RAPGEF6: variants seen among roughly 807,000 people sequenced by gnomAD.
RAPGEF6 encodes PDZ domain containing guanine nucleotide exchange factor (GEF) 2.
RAPGEF6 carries 56 observed loss-of-function variants against 171.4 expected under a neutral mutation model. That is an observed-to-expected ratio of 0.33 (90% CI 0.26 to 0.41). The LOEUF is 0.41. Among genes scored for constraint, RAPGEF6 ranks in the 10% least tolerant of loss-of-function variants. RAPGEF6 has a pLI of 1.00. For synonymous variants in RAPGEF6, 692 were observed against 650.1 expected (o/e 1.06, Z -0.98); for missense variants, 1,674 against 1,921.4 (o/e 0.87, Z 2.41).
intron 15 of RAPGEF6, among the ~76,000 whole-genome samples, chr5:131,480,168 G>C (rs975386014): frequency 1.5e-4 from 23 of 152,306 alleles, no homozygotes; most frequent in Admixed American, 7.2e-4. Context: ...ACACCAGTTT[G>C]AACTATGTGG....
intron 24 of RAPGEF6, among the ~76,000 whole-genome samples, chr5:131,439,161 C>A (rs1752218803): frequency 6.6e-6 from 1 of 152,170 alleles, no homozygotes. Flanking sequence ...AAGTGATCCA[C>A]CCGCCTCAGC....
Position 131,430,849 on chromosome 5 carries a change from C to T in RAPGEF6, c.4465+10G>A, listed in dbSNP as rs73786670. ...CTCTAAATGCCACAGACAACAAAAA[C>T]ACAACTTACCAATCAAGCCCTTTTC... On this transcript the variant is annotated intron_variant, in intron 26 of 27. Transcript: ENST00000509018. The T allele has an allele frequency of 1.3e-6, 2 of 1,586,998 alleles. No individual in the cohort carries two copies. The highest frequency in any genetic ancestry group is 1.7e-6 in the Non-Finnish European group (2 of 1,169,282).
chr5:131,499,478 G>A (rs909585579), intron 11 of RAPGEF6, among the ~76,000 whole-genome samples: 1 of 151,622 alleles, frequency 6.6e-6, no homozygotes, highest in Non-Finnish European at 1.5e-5. Context: ...CTACTCAGGA[G>A]GGTGAGGCAG....
At chr5:131,531,875 C>T (rs1162862610) in intron 6 of RAPGEF6, among the ~76,000 whole-genome samples, 1 of 151,972 alleles carries the variant, frequency 6.6e-6, no homozygotes, top group Non-Finnish European at 1.5e-5. Flanking sequence ...ATCTCAAATG[C>T]ACTGCATTTT....
chr5:131,427,359 T>C (rs1037699137), intron 27 of RAPGEF6, 68 bp from the exon 28 acceptor site: 42 of 1,335,544 alleles, frequency 3.1e-5, no homozygotes, highest in Middle Eastern at 2.5e-4. Context: ...AATCTAGTTA[T>C]CTATTTAGAA....
Position 131,479,521 on chromosome 5 carries a change from C to A in RAPGEF6, c.2073G>T (p.Lys691Asn). The A allele has an allele frequency of 1.9e-6, 3 of 1,613,906 alleles. No homozygotes were observed. Among genetic ancestry groups the A allele is most frequent in the Non-Finnish European group, 2.5e-6 (3 of 1,179,918 alleles). The stretch of plus-strand genomic sequence containing the variant: ...AGATCGGCATTACCTACCTAAATAG[C>A]TTTGGAGGCAAGATACTAAATCGTG... ...DKTRFSILPP[K>N]LFSDGGLSQS... Residue 691 changes from lysine (K) to asparagine (N), a missense_variant, in exon 16 of 28, where the codon AAG becomes AAT. Physicochemically the swap from Lys to Asn is moderately conservative, Grantham distance 94. This residue lies in a region of RAPGEF6 where 1,116 missense variants were observed against 1,321.5 expected (regional missense o/e 0.84). Coordinates refer to ENST00000509018, the MANE Select transcript of RAPGEF6 (RefSeq NM_016340.6).
chr5:131,479,992 G>A (rs189863953), intron 15 of RAPGEF6, among the ~76,000 whole-genome samples: 1 of 152,002 alleles, frequency 6.6e-6, no homozygotes, highest in Non-Finnish European at 1.5e-5. Flanking sequence ...GAAAGTCAGT[G>A]GGGGGAAAGG....
At chr5:131,428,813 T>C (rs1280369123) in intron 27 of RAPGEF6, 89 bp downstream of exon 27, 12 of 1,332,182 alleles carry the variant, frequency 9.0e-6, no homozygotes, top group Non-Finnish European at 1.1e-5. Context: ...AAAGAAACAA[T>C]TACTAATTAC....
chr5:131,623,696 G>A lies in RAPGEF6; in HGVS notation c.69+11266C>T, dbSNP rs563655573. 3.3e-5 allele frequency among the ~76,000 whole-genome samples: 5 copies of A among 151,936 alleles called. No homozygotes were observed. In the South Asian group the frequency reaches 1.0e-3, roughly 32 times the overall value. ...GAGGAGGTTTCTCCATGTCGGTCAGGCTGGTTTCGAACTCCTGACCTCAGG... is the reference window on the plus strand; with the variant it reads ...GAGGAGGTTTCTCCATGTCGGTCAGACTGGTTTCGAACTCCTGACCTCAGG... On this transcript the variant is annotated intron_variant, in intron 1 of 27. Coordinates refer to ENST00000509018, the MANE Select transcript of RAPGEF6 (RefSeq NM_016340.6).
intron 6 of RAPGEF6, among the ~76,000 whole-genome samples, chr5:131,526,252 T>C (rs1056919680): frequency 2.6e-5 from 4 of 152,230 alleles, no homozygotes; most frequent in African/African-American, 9.6e-5. Context: ...ATAATGATGC[T>C]GACTGCAATG....
chr5:131,622,028 T>C (rs888159459), intron 1 of RAPGEF6, among the ~76,000 whole-genome samples: 2 of 152,196 alleles, frequency 1.3e-5, no homozygotes, highest in Non-Finnish European at 2.9e-5. Flanking sequence ...CCCTGGCACA[T>C]GAAACAGTGC....
chr5:131,584,528 C>A (rs900870252), intron 4 of RAPGEF6, among the ~76,000 whole-genome samples: 2 of 152,194 alleles, frequency 1.3e-5, no homozygotes, highest in Non-Finnish European at 2.9e-5. Flanking sequence ...GGATGAGGAG[C>A]TGAATTCTGC....
rs1751430509 is a variant in RAPGEF6 at position 131,427,189 on chromosome 5, T to C, written c.*77A>G. 2 of 1,365,938 alleles carry C rather than the reference T, an allele frequency of 1.5e-6. No homozygotes were observed. Among genetic ancestry groups the C allele is most frequent in the Non-Finnish European group, 2.1e-6 (2 of 954,396 alleles). The allele number at this position is 1,365,938 out of a possible 1,614,324, so 84.6% of individuals were successfully genotyped here. On this transcript the variant is annotated 3_prime_UTR_variant, in exon 28 of 28. Coordinates refer to ENST00000509018, the MANE Select transcript of RAPGEF6 (RefSeq NM_016340.6). The stretch of plus-strand genomic sequence containing the variant: ...GTAGCAATGAGCTGTTCGTTAGCAA[T>C]GGCCTGCAGAATCATGAGGTGGTTC...
intron 20 of RAPGEF6, among the ~76,000 whole-genome samples, chr5:131,455,139 A>T (rs1753388594): frequency 6.6e-6 from 1 of 152,276 alleles, no homozygotes; most frequent in Non-Finnish European, 1.5e-5. Flanking sequence ...AATAAAAAAT[A>T]GTAGTAACAA....
chr5:131,524,609 T>TGAGAGAGAGA (rs55956395), intron 6 of RAPGEF6, among the ~76,000 whole-genome samples: 1,858 of 134,934 alleles, frequency 0.014, 56 homozygotes, highest in African/African-American at 0.05. Context: ...AGAGAGAGAT[T>TGAGAGAGAGA]GAGAGAGAGA....
intron 6 of RAPGEF6, among the ~76,000 whole-genome samples, chr5:131,535,950 C>T (rs1759739675): frequency 6.6e-6 from 1 of 152,120 alleles, no homozygotes; most frequent in Middle Eastern, 3.4e-3. Context: ...ACAAACAAAA[C>T]TAATGATAAC....
intron 19 of RAPGEF6, among the ~76,000 whole-genome samples, chr5:131,457,604 C>A (rs1188165539): frequency 1.3e-5 from 2 of 152,168 alleles, no homozygotes; most frequent in African/African-American, 4.8e-5. Context: ...AATTCAGTCA[C>A]CCCTCCGTAT....
chr5:131,486,779 G>C (rs1015078337), intron 15 of RAPGEF6, among the ~76,000 whole-genome samples: 4 of 150,674 alleles, frequency 2.7e-5, no homozygotes, highest in Non-Finnish European at 5.9e-5. Flanking sequence ...CCCCAGGCGG[G>C]AGTGCAGTGG....
Position 131,485,389 on chromosome 5 carries a change from C to T in RAPGEF6, c.1840+4157G>A, listed in dbSNP as rs537018319. On this transcript the variant is annotated intron_variant, in intron 15 of 27. Transcript: ENST00000509018. ...GTGTGGGTCAGGTAGAGGGACTCTT[C>T]GAGGAGAGAGAGAACTTTAGATGGC... 2.6e-5 allele frequency among the ~76,000 whole-genome samples: 4 copies of T among 152,254 alleles called. No individual in the cohort carries two copies. The South Asian group carries it at 6.2e-4, about 24-fold the overall frequency.
Sources: gnomAD v4.1 joint callset for allele counts (sites outside exome capture counted in the v4.1 genomes callset) on GRCh38, gnomAD v4.1.1 for gene constraint, gnomAD v4.1.1 regional missense constraint, MANE v1.5 for transcripts, NCBI Gene and HGNC (gene_info 2026-07-23, HGNC 2026-07-21) for gene names.